Variants in VPS13D observed in about 807,000 individuals in gnomAD.
VPS13D encodes the protein vacuolar protein sorting 13 homolog D.
A neutral mutation model predicts 461.9 loss-of-function variants in VPS13D; 187 were observed. That is an observed-to-expected ratio of 0.40 (90% confidence interval 0.36 to 0.46). The LOEUF is 0.46. Among genes scored for constraint, VPS13D ranks in the 20% least tolerant of loss-of-function variants. The pLI is 0.60. For missense variants in VPS13D, 4,711 were observed against 5,364.9 expected, an observed-to-expected ratio of 0.88 and a Z score of 3.81; for synonymous variants, 1,951 against 1,986.3, an observed-to-expected ratio of 0.98 and a Z score of 0.47.
At chr1:12,383,713 ATTTACTG>A (rs1644313393) in intron 58 of VPS13D, among the ~76,000 whole-genome samples, 2 of 152,194 alleles carry the variant, frequency 1.3e-5, no homozygotes, top group Non-Finnish European at 2.9e-5. Flanking sequence ...ATCAACAGGT[ATTTACTG>A]AGCAGCTACT....
At chr1:12,465,570 A>G (rs1270677047) in intron 67 of VPS13D, among the ~76,000 whole-genome samples, 1 of 152,184 alleles carries the variant, frequency 6.6e-6, no homozygotes, top group African/African-American at 2.4e-5. Context: ...GAACTTTTGA[A>G]AAAGAAAGTT....
intron 67 of VPS13D, among the ~76,000 whole-genome samples, chr1:12,496,568 T>C (rs1645960421): frequency 6.6e-6 from 1 of 152,226 alleles, no homozygotes; most frequent in Non-Finnish European, 1.5e-5. Context: ...AGTGTTTTGC[T>C]TCAGTGAGCT....
At chr1:12,353,874 T>G in intron 46 of VPS13D, 100 bp from the exon 47 acceptor site, 1 of 1,252,576 alleles carries the variant, frequency 8.0e-7, no homozygotes, top group East Asian at 2.5e-5. Flanking sequence ...TTTTACTCAT[T>G]GAACCATCTT....
intron 49 of VPS13D, among the ~76,000 whole-genome samples, chr1:12,357,449 C>A (rs1245248223): frequency 6.6e-6 from 1 of 152,224 alleles, no homozygotes; most frequent in African/African-American, 2.4e-5. Context: ...TGACATGTGT[C>A]ACACAGTGTG....
intron 49 of VPS13D, among the ~76,000 whole-genome samples, chr1:12,357,449 C>T (rs1245248223): frequency 6.6e-6 from 1 of 152,224 alleles, no homozygotes; most frequent in African/African-American, 2.4e-5. Flanking sequence ...TGACATGTGT[C>T]ACACAGTGTG....
intron 65 of VPS13D, among the ~76,000 whole-genome samples, chr1:12,431,248 A>G (rs1025323064): frequency 8.5e-5 from 13 of 152,206 alleles, no homozygotes; most frequent in Admixed American, 3.3e-4. Flanking sequence ...GAATATGGCA[A>G]AGCTACAATA....
chr1:12,499,589 A>G (rs1646007397), intron 68 of VPS13D: 2 of 985,494 alleles, frequency 2.0e-6, no homozygotes, highest in East Asian at 1.1e-4. Flanking sequence ...AATCAGTAAA[A>G]TAGCTTTCAT....
chr1:12,509,941 A>G lies in VPS13D; in HGVS notation c.*917A>G, dbSNP rs1646161247. The stretch of plus-strand genomic sequence containing the variant: ...CTGTTGCAACAAATCAGAAATCCAC[A>G]TAAAAGTGCTCTCCTGCCTGGGCAG... On this transcript the variant is annotated 3_prime_UTR_variant, in exon 70 of 70. Transcript: ENST00000620676. 6.6e-6 allele frequency: 1 copy of G among 152,380 alleles called. No homozygotes were observed. The highest frequency in any genetic ancestry group is 1.5e-5 in the Non-Finnish European group (1 of 68,050). The allele number at this position is 152,380 out of a possible 1,614,324, so 9.4% of individuals were successfully genotyped here.
chr1:12,312,057 G>GCCACCACC, intron 29 of VPS13D, 132 bp downstream of exon 29: 1 of 539,472 alleles, frequency 1.9e-6, no homozygotes, highest in Non-Finnish European at 3.0e-6. Flanking sequence ...GTGTCTTTTG[G>GCCACCACC]TTGATCTACA....
At chr1:12,274,957 G>A (rs1284021264) in intron 18 of VPS13D, among the ~76,000 whole-genome samples, 1 of 151,594 alleles carries the variant, frequency 6.6e-6, no homozygotes, top group South Asian at 2.1e-4. Flanking sequence ...GGTGGCTCAC[G>A]CCTGTAATCC....
At chr1:12,465,140 A>G (rs1228926664) in intron 67 of VPS13D, 2 of 152,238 alleles carry the variant, frequency 1.3e-5, no homozygotes, top group Non-Finnish European at 2.9e-5. Context: ...TTCACAAAAG[A>G]AGGCAAAAAT....
Position 12,368,474 on chromosome 1 carries a change from C to T in VPS13D, c.10455C>T (p.Thr3485=). The part of the protein sequence containing the change: ...NNSFHINMRD[T]LGKCFFLRVE... ...TTGTTTCCTTGTCCTGCAGGGATAC[C>T]TTGGGAAAATGCTTCTTCCTACGAG... Residue 3485 remains threonine, a synonymous_variant, in exon 53 of 70, where the codon ACC becomes ACT. Transcript: ENST00000620676. 1.2e-6 allele frequency: 2 copies of T among 1,611,074 alleles called. No individual in the cohort carries two copies. The highest frequency in any genetic ancestry group is 2.7e-5 in the African/African-American group (2 of 74,934).
chr1:12,492,666 A>G (rs1434117496), intron 67 of VPS13D, among the ~76,000 whole-genome samples: 1 of 152,222 alleles, frequency 6.6e-6, no homozygotes. Flanking sequence ...CTCAAAGTTC[A>G]CCAGGAAACA....
chr1:12,425,029 C>T (rs1193472924), intron 65 of VPS13D, among the ~76,000 whole-genome samples: 2 of 152,132 alleles, frequency 1.3e-5, no homozygotes, highest in Non-Finnish European at 2.9e-5. Flanking sequence ...TTCTGTGATT[C>T]AGTATTCTTC....
At chr1:12,270,626 C>G (rs957000020) in intron 16 of VPS13D, among the ~76,000 whole-genome samples, 2 of 152,212 alleles carry the variant, frequency 1.3e-5, no homozygotes, top group Admixed American at 6.5e-5. Context: ...CCTCTCCCCC[C>G]ATGGCTGTCC....
At chr1:12,461,855 A>T (rs1359587869) in intron 67 of VPS13D, among the ~76,000 whole-genome samples, 1 of 152,214 alleles carries the variant, frequency 6.6e-6, no homozygotes, top group East Asian at 1.9e-4. Flanking sequence ...TGAATTTTAT[A>T]CATTGTCAGC....
intron 8 of VPS13D, among the ~76,000 whole-genome samples, 174 bp downstream of exon 8, chr1:12,256,677 T>C (rs1181493042): frequency 1.3e-5 from 2 of 151,622 alleles, no homozygotes; most frequent in African/African-American, 4.9e-5. Context: ...TAAATTGGGT[T>C]GATCTCAGGT....
chr1:12,482,803 A>AT (rs1455973116), intron 67 of VPS13D, among the ~76,000 whole-genome samples: 14 of 150,142 alleles, frequency 9.3e-5, no homozygotes, highest in Admixed American at 4.7e-4. Flanking sequence ...TATATATACT[A>AT]GTATATATAT....
chr1:12,230,879 C>T (rs1338639401), intron 1 of VPS13D, among the ~76,000 whole-genome samples: 1 of 152,070 alleles, frequency 6.6e-6, no homozygotes, highest in African/African-American at 2.4e-5. Context: ...TCTCTGTCCC[C>T]TGGAGGGGGC....
Sources: allele counts gnomAD v4.1 joint callset (sites outside exome capture counted in the v4.1 genomes callset), GRCh38; gene constraint gnomAD v4.1.1; transcripts MANE v1.5; gene names NCBI Gene and HGNC (gene_info 2026-07-23, HGNC 2026-07-21).